Variants in FSTL5 observed in about 807,000 individuals in gnomAD.
FSTL5 encodes follistatin-related protein 5.
Under a neutral mutation model 89.1 loss-of-function variants are expected in FSTL5, and 62 were observed. The observed-to-expected ratio is 0.70, with a 90% CI of 0.57 to 0.86. The LOEUF is 0.86. Among genes scored for constraint, FSTL5 ranks in the 40% least tolerant of loss-of-function variants. The probability of loss-of-function intolerance (pLI) is 0.00; values close to 1 mark genes in which losing one functional copy is unlikely to be tolerated. For missense variants in FSTL5, 1,057 were observed against 1,001.6 expected (o/e 1.06, Z -0.75); for synonymous variants, 383 against 346.2 (o/e 1.11, Z -1.18).
At chr4:162,072,675 G>T (rs1459205461) in intron 2 of FSTL5, among the ~76,000 whole-genome samples, 1 of 151,708 alleles carries the variant, frequency 6.6e-6, no homozygotes, top group Non-Finnish European at 1.5e-5. Flanking sequence ...AGCCTACTTA[G>T]CATTTTAAAA....
At chr4:162,019,930 T>G (rs1426533024) in intron 3 of FSTL5, among the ~76,000 whole-genome samples, 1 of 149,912 alleles carries the variant, frequency 6.7e-6, no homozygotes, top group Non-Finnish European at 1.5e-5. Context: ...GTTGTGAATT[T>G]AATATGAATG....
intron 4 of FSTL5, among the ~76,000 whole-genome samples, chr4:161,900,638 C>CAAAAAAAAAAAAAAA (rs58702301): frequency 3.1e-5 from 2 of 65,310 alleles, no homozygotes; most frequent in African/African-American, 6.4e-5. Flanking sequence ...GACTCCATCT[C>CAAAAAAAAAAAAAAA]AAAAAAAAAA....
chr4:161,761,106 C>A (rs754643844), intron 5 of FSTL5, among the ~76,000 whole-genome samples: 1 of 152,054 alleles, frequency 6.6e-6, no homozygotes, highest in African/African-American at 2.4e-5. Context: ...TTATTTGTTA[C>A]CTTGAGGAAG....
intron 15 of FSTL5, among the ~76,000 whole-genome samples, chr4:161,392,619 C>T (rs937585982): frequency 1.3e-4 from 20 of 152,144 alleles, no homozygotes; most frequent in African/African-American, 4.3e-4. Context: ...GGACATGAAA[C>T]TGACAACTAT....
chr4:161,895,601 T>C (rs1733131326), intron 4 of FSTL5, among the ~76,000 whole-genome samples: 1 of 152,174 alleles, frequency 6.6e-6, no homozygotes, highest in African/African-American at 2.4e-5. Flanking sequence ...TTTGATGCTA[T>C]GAATGATATG....
intron 1 of FSTL5, among the ~76,000 whole-genome samples, chr4:162,147,721 T>C (rs1733057113): frequency 6.6e-6 from 1 of 152,084 alleles, no homozygotes. Flanking sequence ...ATCTATAAAA[T>C]TAATGTTTGG....
At chr4:161,994,553 G>C (rs528723101) in intron 3 of FSTL5, among the ~76,000 whole-genome samples, 28 of 152,156 alleles carry the variant, frequency 1.8e-4, no homozygotes, top group African/African-American at 6.3e-4. Context: ...GTTATTTTTT[G>C]ACTTTTTAAT....
intron 6 of FSTL5, among the ~76,000 whole-genome samples, chr4:161,683,991 T>C (rs1737616725): frequency 6.6e-6 from 1 of 152,210 alleles, no homozygotes; most frequent in Non-Finnish European, 1.5e-5. Flanking sequence ...AGTGAAAACA[T>C]ACGATGTTTG....
chr4:161,813,030 C>A (rs940667535), intron 4 of FSTL5, among the ~76,000 whole-genome samples: 1 of 141,282 alleles, frequency 7.1e-6, no homozygotes, highest in African/African-American at 2.6e-5. Context: ...TGAAAGATCC[C>A]TTTTTTTTTT....
At chr4:161,672,259 A>G (rs1432147304) in intron 6 of FSTL5, among the ~76,000 whole-genome samples, 1 of 152,148 alleles carries the variant, frequency 6.6e-6, no homozygotes, top group Admixed American at 6.6e-5. Context: ...TTTAGTTTAC[A>G]AAGTTTGCAA....
At chr4:161,991,846 G>A (rs1337708465) in intron 3 of FSTL5, among the ~76,000 whole-genome samples, 1 of 152,152 alleles carries the variant, frequency 6.6e-6, no homozygotes, top group Non-Finnish European at 1.5e-5. Flanking sequence ...CTAGGAGAAT[G>A]AGAGATTTCC....
intron 6 of FSTL5, among the ~76,000 whole-genome samples, chr4:161,736,049 C>A (rs1228872337): frequency 6.6e-6 from 1 of 152,070 alleles, no homozygotes; most frequent in African/African-American, 2.4e-5. Context: ...GGTCAAATTT[C>A]TGCAATTGTT....
chr4:161,697,938 GGT>G (rs75603323), intron 6 of FSTL5, among the ~76,000 whole-genome samples: 23 of 149,628 alleles, frequency 1.5e-4, no homozygotes, highest in East Asian at 9.9e-4. Flanking sequence ...AATATGGGAA[GGT>G]GTGTGTGTGT....
intron 2 of FSTL5, chr4:162,035,287 A>T (rs1345782085): frequency 6.6e-6 from 1 of 152,116 alleles, no homozygotes; most frequent in African/African-American, 2.4e-5. Context: ...AGACTGCATA[A>T]ATTTTATTCA....
At chr4:162,131,603 T>C (rs1372212042) in intron 1 of FSTL5, among the ~76,000 whole-genome samples, 1 of 152,148 alleles carries the variant, frequency 6.6e-6, no homozygotes, top group Non-Finnish European at 1.5e-5. Flanking sequence ...CACAATGATA[T>C]AAAATTACCC....
chr4:162,105,156 G>T (rs1379561248), intron 2 of FSTL5, among the ~76,000 whole-genome samples: 4 of 152,076 alleles, frequency 2.6e-5, no homozygotes, highest in Admixed American at 2.0e-4. Context: ...ATTCTGAAAT[G>T]ATCATCACCA....
At position 161,430,567 on chromosome 4, in the gene FSTL5, C is replaced by T. The variant is rs140430255; in HGVS notation, c.1841+24437G>A. ...CATCCTGGCTAACACGGTGAAACCC[C>T]GTCTCTACTAAAAATACAAAATATT... On this transcript the variant is annotated intron_variant, in intron 15 of 15. Transcript: ENST00000306100. 3.2e-3 allele frequency among the ~76,000 whole-genome samples: 484 copies of T among 152,152 alleles called. 13 individuals carry two copies. The East Asian group carries it at 0.054, about 17-fold the overall frequency.
intron 15 of FSTL5, among the ~76,000 whole-genome samples, chr4:161,397,542 T>A (rs1458395372): frequency 6.6e-6 from 1 of 151,382 alleles, no homozygotes; most frequent in African/African-American, 2.4e-5. Flanking sequence ...TAACATAAAA[T>A]GATATCTATA....
chr4:162,047,856 C>A (rs1738245094), intron 2 of FSTL5, among the ~76,000 whole-genome samples: 1 of 151,768 alleles, frequency 6.6e-6, no homozygotes. Context: ...CAAACAACAA[C>A]AACAAAAAAC....
Sources: allele counts gnomAD v4.1 joint callset (sites outside exome capture counted in the v4.1 genomes callset), GRCh38; gene constraint gnomAD v4.1.1; transcripts MANE v1.5; gene names NCBI Gene and HGNC (gene_info 2026-07-23, HGNC 2026-07-21).